The following LRRK1 variants were observed in gnomAD, a reference collection of about 807,000 sequenced individuals.
LRRK1 encodes the protein leucine rich repeat kinase 1.
LRRK1 carries 113 observed loss-of-function variants against 209.1 expected under a neutral mutation model. The observed-to-expected ratio is 0.54, with a 90% CI of 0.46 to 0.63. LRRK1 has a LOEUF of 0.63. LRRK1 is among the 30% of genes least tolerant of loss of function. The probability of loss-of-function intolerance (pLI) is 0.00; values close to 1 mark genes in which losing one functional copy is unlikely to be tolerated. For missense variants in LRRK1, 2,284 were observed against 2,632.2 expected (o/e 0.87, Z 2.89); for synonymous variants, 1,144 against 1,099.7 (o/e 1.04, Z -0.80).
intron 2 of LRRK1, among the ~76,000 whole-genome samples, chr15:100,972,319 T>TAG (rs758691134): frequency 2.3e-5 from 2 of 86,386 alleles, no homozygotes; most frequent in African/African-American, 4.5e-5. Context: ...TAATTTGGGA[T>TAG]ATATATATAT....
chr15:101,024,995 A>T lies in LRRK1; in HGVS notation c.2232+28A>T. ...GAGGACACCAGACGCCAGCCCTGCC[A>T]TTTCAGTGCCCAGAGCTTTGCAGGT... On this transcript the variant is annotated intron_variant, in intron 16 of 33. Transcript: ENST00000388948. This position sits in a 1 kb window ranked among gnomAD's most constrained non-coding sequence, Gnocchi z 4.6. 6.2e-7 allele frequency: 1 copy of T among 1,604,282 alleles called. No individual in the cohort carries two copies. The highest frequency in any genetic ancestry group is 1.3e-5 in the African/African-American group (1 of 74,902).
chr15:101,004,935 T>A (rs1376535162), intron 6 of LRRK1, among the ~76,000 whole-genome samples: 3 of 152,256 alleles, frequency 2.0e-5, no homozygotes, highest in Non-Finnish European at 4.4e-5. Context: ...CAGAGTTTTA[T>A]TTAAAGATTT....
Position 101,012,864 on chromosome 15 carries a change from C to T in LRRK1, c.1419+719C>T, listed in dbSNP as rs563639283. Reference sequence around the variant, plus strand: ...GCCAGGGACCCAGGGACAGGACTCACGCTTCTCAGAAGAAAGGAGCCACGC... The same window carrying T: ...GCCAGGGACCCAGGGACAGGACTCATGCTTCTCAGAAGAAAGGAGCCACGC... On this transcript the variant is annotated intron_variant, in intron 10 of 33. Coordinates refer to ENST00000388948, the MANE Select transcript of LRRK1 (RefSeq NM_024652.6). 2.0e-4 allele frequency among the ~76,000 whole-genome samples: 30 copies of T among 152,276 alleles called. No individual in the cohort carries two copies. The East Asian group carries it at 2.5e-3, about 13-fold the overall frequency.
rs1488082506 is a variant in LRRK1 at position 101,057,975 on chromosome 15, G to T, written c.4528-15G>T. 6 of 1,613,918 alleles carry T rather than the reference G, an allele frequency of 3.7e-6. No individual in the cohort carries two copies. The South Asian group carries it at 6.6e-5, about 18-fold the overall frequency. On this transcript the variant is annotated splice_polypyrimidine_tract_variant and intron_variant, in intron 28 of 33. Coordinates refer to ENST00000388948, the MANE Select transcript of LRRK1 (RefSeq NM_024652.6). The stretch of plus-strand genomic sequence containing the variant: ...TAAGTGACCTTGCTCTCTTCTGGTG[G>T]CTTCTCTCCCTCAGCGACCGCTGGC...
At chr15:101,010,306 T>C (rs2033170298) in intron 7 of LRRK1, 144 bp from the exon 8 acceptor site, 2 of 802,092 alleles carry the variant, frequency 2.5e-6, no homozygotes, top group Admixed American at 3.0e-5. Flanking sequence ...AAAAATCATA[T>C]GCACTACATT....
intron 6 of LRRK1, among the ~76,000 whole-genome samples, chr15:100,997,995 A>G (rs990898128): frequency 2.6e-5 from 4 of 152,206 alleles, no homozygotes; most frequent in East Asian, 1.9e-4. Flanking sequence ...CCTGGCCAAC[A>G]TGGTGAAACC....
intron 6 of LRRK1, among the ~76,000 whole-genome samples, chr15:100,992,469 T>C (rs1319868926): frequency 6.6e-6 from 1 of 152,256 alleles, no homozygotes; most frequent in African/African-American, 2.4e-5. Flanking sequence ...TTTTCATTTA[T>C]GCTGTTGAAC....
chr15:101,057,199 CTAACA>C, intron 28 of LRRK1, 149 bp downstream of exon 28: 1 of 636,462 alleles, frequency 1.6e-6, no homozygotes, highest in Non-Finnish European at 2.6e-6. Flanking sequence ...TTTGCTGCTC[CTAACA>C]TACCTACTTT....
chr15:100,955,484 T>C (rs2042734087), intron 2 of LRRK1, among the ~76,000 whole-genome samples: 1 of 152,138 alleles, frequency 6.6e-6, no homozygotes, highest in Non-Finnish European at 1.5e-5. Context: ...TTTGGATGTC[T>C]TTTATTTCTT....
At chr15:100,921,328 T>A (rs1466184046) in intron 1 of LRRK1, among the ~76,000 whole-genome samples, 1 of 152,204 alleles carries the variant, frequency 6.6e-6, no homozygotes, top group Non-Finnish European at 1.5e-5. Context: ...GAGAACAACA[T>A]ATTTCTCTGG....
chr15:100,959,208 G>C (rs921378533), intron 2 of LRRK1, among the ~76,000 whole-genome samples: 1 of 152,160 alleles, frequency 6.6e-6, no homozygotes, highest in Non-Finnish European at 1.5e-5. Flanking sequence ...CAAAATTATA[G>C]ACGACCCCCT....
chr15:100,953,210 G>A (rs1162821002), intron 2 of LRRK1, among the ~76,000 whole-genome samples: 2 of 152,006 alleles, frequency 1.3e-5, no homozygotes, highest in East Asian at 3.9e-4. Flanking sequence ...ATACTCAACA[G>A]GCTGTACATT....
At chr15:101,005,343 C>G (rs192472330) in intron 6 of LRRK1, among the ~76,000 whole-genome samples, 1 of 151,866 alleles carries the variant, frequency 6.6e-6, no homozygotes, top group African/African-American at 2.4e-5. Context: ...AATATTGGGA[C>G]GAGAACTGAC....
chr15:100,956,061 C>A (rs1248389553), intron 2 of LRRK1, among the ~76,000 whole-genome samples: 1 of 152,144 alleles, frequency 6.6e-6, no homozygotes, highest in South Asian at 2.1e-4. Flanking sequence ...GAAGGACTGG[C>A]ATTCACTCTT....
intron 2 of LRRK1, among the ~76,000 whole-genome samples, chr15:100,952,372 T>C (rs1421633467): frequency 6.6e-6 from 1 of 152,268 alleles, no homozygotes; most frequent in Non-Finnish European, 1.5e-5. Flanking sequence ...TGTATCCATC[T>C]TTTATTACTT....
At position 101,056,381 on chromosome 15, in the gene LRRK1, A is replaced by C. The variant is rs370474591; in HGVS notation, c.4333-475A>C. 3.3e-5 allele frequency among the ~76,000 whole-genome samples: 5 copies of C among 152,218 alleles called. No homozygotes were observed. In the East Asian group the frequency reaches 9.6e-4, roughly 29 times the overall value. On this transcript the variant is annotated intron_variant, in intron 27 of 33. Coordinates refer to ENST00000388948, the MANE Select transcript of LRRK1 (RefSeq NM_024652.6). The stretch of plus-strand genomic sequence containing the variant: ...ACATCCTTGGAGTCCTTAATCAGTG[A>C]CTAACAGCAAGTTCTCAGTGTGTTT...
intron 23 of LRRK1, among the ~76,000 whole-genome samples, chr15:101,051,180 C>A (rs1471046707): frequency 2.0e-5 from 3 of 152,262 alleles, no homozygotes; most frequent in African/African-American, 7.2e-5. Context: ...CTCCACAGGG[C>A]ATCTTGGAGG....
chr15:101,022,115 C>T lies in LRRK1; in HGVS notation c.1852+158C>T, dbSNP rs369183262. On this transcript the variant is annotated intron_variant, in intron 14 of 33. Transcript: ENST00000388948. The surrounding 1 kb of genome is among the most constrained non-coding windows in gnomAD (Gnocchi z 4.0). ...GCTATAAAATTGTCCCTAAAGCAATCGTTACTGAGGGTCACTATACTGAGA... is the reference window on the plus strand; with the variant it reads ...GCTATAAAATTGTCCCTAAAGCAATTGTTACTGAGGGTCACTATACTGAGA... Among the ~76,000 whole-genome samples the T allele has an allele frequency of 6.6e-5, 10 of 152,154 alleles. No individual in the cohort carries two copies. In the South Asian group the frequency reaches 1.7e-3, roughly 25 times the overall value.
chr15:100,974,399 T>C (rs2031169507), intron 3 of LRRK1, among the ~76,000 whole-genome samples: 1 of 151,794 alleles, frequency 6.6e-6, no homozygotes. Context: ...ACAGTTTTGC[T>C]GTATTTTCTT....
Sources: allele counts gnomAD v4.1 joint callset (sites outside exome capture counted in the v4.1 genomes callset), GRCh38; gene constraint gnomAD v4.1.1; non-coding constraint Gnocchi (gnomAD v3.1); transcripts MANE v1.5; gene names NCBI Gene and HGNC (gene_info 2026-07-23, HGNC 2026-07-21).